Variants in OSBPL9 observed in about 807,000 individuals in gnomAD.
The protein encoded by OSBPL9 is oxysterol-binding protein-related protein 9.
Under a neutral mutation model 106.6 loss-of-function variants are expected in OSBPL9, and 40 were observed. The observed-to-expected ratio is 0.38, with a 90% CI of 0.29 to 0.49. The LOEUF (loss-of-function observed/expected upper bound fraction) is 0.49, where lower values mean the gene tolerates loss of function less well. Among genes scored for constraint, OSBPL9 ranks in the 20% least tolerant of loss-of-function variants. OSBPL9 has a pLI of 0.97. For synonymous variants in OSBPL9, 269 were observed against 295.4 expected (o/e 0.91, Z 0.92); for missense variants, 609 against 887.2 (o/e 0.69, Z 3.98).
At chr1:51,655,637 G>A (rs2148715549) in intron 2 of OSBPL9, among the ~76,000 whole-genome samples, 1 of 152,298 alleles carries the variant, frequency 6.6e-6, no homozygotes, top group Admixed American at 6.5e-5. Flanking sequence ...TTATACAGGG[G>A]CAAGGGTCTG....
At chr1:51,730,232 G>A in intron 4 of OSBPL9, 1 of 1,100,972 alleles carries the variant, frequency 9.1e-7, no homozygotes, top group Non-Finnish European at 1.2e-6. Flanking sequence ...CCACCGAGAG[G>A]GCATTCGCCC....
the OSBPL9 span, among the ~76,000 whole-genome samples, chr1:51,526,346 G>A: frequency 1.3e-5 from 2 of 152,196 alleles, no homozygotes; most frequent in Non-Finnish European, 2.9e-5. Context: ...AGATGAGAGA[G>A]AAAGAAACTA....
intron 4 of OSBPL9, among the ~76,000 whole-genome samples, chr1:51,715,535 C>T (rs112733731): frequency 9.9e-5 from 15 of 152,206 alleles, no homozygotes; most frequent in East Asian, 3.9e-4. Flanking sequence ...ACCTCCACCC[C>T]GTGCGTTCTA....
the OSBPL9 span, among the ~76,000 whole-genome samples, chr1:51,546,839 G>T: frequency 9.2e-5 from 14 of 152,032 alleles, no homozygotes; most frequent in Admixed American, 1.3e-4. Flanking sequence ...CAAATAGTTG[G>T]CATGAACATT....
intron 1 of OSBPL9, among the ~76,000 whole-genome samples, chr1:51,637,811 G>A (rs1645544560): frequency 6.6e-6 from 1 of 152,190 alleles, no homozygotes; most frequent in Non-Finnish European, 1.5e-5. Context: ...ATTATAAGCA[G>A]CATCAGACCA....
intron 2 of OSBPL9, among the ~76,000 whole-genome samples, chr1:51,668,920 A>G (rs1384503014): frequency 1.3e-5 from 2 of 152,200 alleles, no homozygotes; most frequent in African/African-American, 2.4e-5. Context: ...TTGGAGGGCA[A>G]TGTACAAGTG....
At chr1:51,667,105 A>G (rs1318494913) in intron 2 of OSBPL9, among the ~76,000 whole-genome samples, 2 of 152,234 alleles carry the variant, frequency 1.3e-5, no homozygotes, top group African/African-American at 4.8e-5. Context: ...GGTTTCTACC[A>G]GAGTTGACTA....
At chr1:51,631,371 T>C (rs1490441860) in intron 1 of OSBPL9, among the ~76,000 whole-genome samples, 1 of 151,972 alleles carries the variant, frequency 6.6e-6, no homozygotes, top group African/African-American at 2.4e-5. Flanking sequence ...TGAGACCCCA[T>C]CTCTACAAAA....
chr1:51,651,489 G>A lies in OSBPL9; in HGVS notation c.112-502G>A, dbSNP rs971909090. Among the ~76,000 whole-genome samples the A allele has an allele frequency of 2.0e-5, 3 of 152,094 alleles. No homozygotes were observed. In the East Asian group the frequency reaches 5.8e-4, roughly 29 times the overall value. The stretch of plus-strand genomic sequence containing the variant: ...ATGGTGGCGGGTGCCTGTAATCCCA[G>A]CTACTCTGGAGGCTGAGGCAGGAGA... On this transcript the variant is annotated intron_variant, in intron 1 of 23. Transcript: ENST00000428468.
intron 3 of OSBPL9, among the ~76,000 whole-genome samples, chr1:51,713,387 T>C (rs1303816526): frequency 6.6e-6 from 1 of 152,070 alleles, no homozygotes; most frequent in African/African-American, 2.4e-5. Context: ...TGACCTCAGG[T>C]GATCCGCCCG....
At chr1:51,715,410 A>AGG (rs1265053687) in intron 4 of OSBPL9, among the ~76,000 whole-genome samples, 1 of 152,172 alleles carries the variant, frequency 6.6e-6, no homozygotes, top group Non-Finnish European at 1.5e-5. Flanking sequence ...ATCCTGTAAG[A>AGG]GGAGGATAAG....
chr1:51,723,523 C>G (rs1277337089), intron 4 of OSBPL9, among the ~76,000 whole-genome samples: 1 of 152,006 alleles, frequency 6.6e-6, no homozygotes, highest in Non-Finnish European at 1.5e-5. Flanking sequence ...TTCCTTCCTT[C>G]CTCTTCTTTC....
chr1:51,753,929 C>G (rs576244328), intron 8 of OSBPL9, among the ~76,000 whole-genome samples: 1 of 152,202 alleles, frequency 6.6e-6, no homozygotes, highest in Non-Finnish European at 1.5e-5. Context: ...ATTTTAAACC[C>G]CCTGGGTGGT....
intron 1 of OSBPL9, among the ~76,000 whole-genome samples, chr1:51,645,889 T>C (rs1646123905): frequency 6.6e-6 from 1 of 151,714 alleles, no homozygotes; most frequent in Non-Finnish European, 1.5e-5. Flanking sequence ...TATTGGATAG[T>C]CTTGGCACTC....
chr1:51,620,617 T>C (rs1024303924), intron 1 of OSBPL9, among the ~76,000 whole-genome samples: 2 of 152,018 alleles, frequency 1.3e-5, no homozygotes, highest in Non-Finnish European at 2.9e-5. Context: ...GGAATAAAAG[T>C]TTTTTGGAGG....
chr1:51,671,165 G>C (rs1557668196), intron 3 of OSBPL9, among the ~76,000 whole-genome samples: 2 of 152,136 alleles, frequency 1.3e-5, no homozygotes, highest in African/African-American at 4.8e-5. Context: ...TATTGTAGTA[G>C]TTATGGGAGT....
intron 1 of OSBPL9, among the ~76,000 whole-genome samples, chr1:51,629,446 A>G (rs567456709): frequency 6.6e-6 from 1 of 152,260 alleles, no homozygotes; most frequent in African/African-American, 2.4e-5. Context: ...GAAATTTGTT[A>G]GGTGATTTTA....
At chr1:51,641,926 C>A (rs1645819721) in intron 1 of OSBPL9, among the ~76,000 whole-genome samples, 1 of 152,156 alleles carries the variant, frequency 6.6e-6, no homozygotes, top group African/African-American at 2.4e-5. Context: ...TGTTTGGAAT[C>A]AGCATTCCTT....
chr1:51,609,383 G>A (rs980910889), intron 2 of OSBPL9, among the ~76,000 whole-genome samples: 15 of 140,838 alleles, frequency 1.1e-4, no homozygotes, highest in South Asian at 2.2e-4. Flanking sequence ...TCACTCTGTC[G>A]CCCAGGTTGG....
Sources: allele counts gnomAD v4.1 joint callset (sites outside exome capture counted in the v4.1 genomes callset), GRCh38; gene constraint gnomAD v4.1.1; transcripts MANE v1.5; gene names NCBI Gene and HGNC (gene_info 2026-07-23, HGNC 2026-07-21).